PGM5: variants seen among roughly 807,000 people sequenced by gnomAD.
The protein encoded by PGM5 is phosphoglucomutase 5, also known as phosphoglucomutase-like protein 5.
Under a neutral mutation model 59.2 loss-of-function variants are expected in PGM5, and 23 were observed. The ratio of observed to expected loss-of-function variants is 0.39; its 90% CI spans 0.28 to 0.55. The LOEUF (loss-of-function observed/expected upper bound fraction) is 0.55. Among genes scored for constraint, PGM5 ranks in the 20% least tolerant of loss-of-function variants. The probability of loss-of-function intolerance (pLI) is 0.66; values close to 1 mark genes in which losing one functional copy is unlikely to be tolerated. For synonymous variants in PGM5, 214 were observed against 286.0 expected, an observed-to-expected ratio of 0.75 and a Z score of 2.54; for missense variants, 574 against 748.3, an observed-to-expected ratio of 0.77 and a Z score of 2.72.
chr9:68,377,051 G>A (rs1422243598), intron 1 of PGM5, among the ~76,000 whole-genome samples: 8 of 151,310 alleles, frequency 5.3e-5, no homozygotes, highest in Non-Finnish European at 8.8e-5. Flanking sequence ...CTCAGCCCCC[G>A]GAGTAGCTGG....
At chr9:68,498,871 AG>A (rs1824524091) in intron 9 of PGM5, 1 of 241,030 alleles carries the variant, frequency 4.1e-6, no homozygotes, top group Admixed American at 5.1e-5. Flanking sequence ...CAGATTTACA[AG>A]GGACAAACTT....
chr9:68,424,454 G>C (rs1554682576), intron 6 of PGM5, among the ~76,000 whole-genome samples: 1 of 152,072 alleles, frequency 6.6e-6, no homozygotes, highest in African/African-American at 2.4e-5. Context: ...TCTTTTATAA[G>C]GGCTCTAATC....
At chr9:68,483,391 T>C (rs1383055543) in intron 8 of PGM5, among the ~76,000 whole-genome samples, 1 of 152,130 alleles carries the variant, frequency 6.6e-6, no homozygotes, top group East Asian at 1.9e-4. Flanking sequence ...AGCCTGGTAT[T>C]TGAAGAGCTG....
intron 6 of PGM5, among the ~76,000 whole-genome samples, chr9:68,457,566 C>A (rs932044199): frequency 6.6e-6 from 1 of 152,154 alleles, no homozygotes; most frequent in African/African-American, 2.4e-5. Context: ...CTAGATGTGT[C>A]CTTTCCCTCA....
intron 8 of PGM5, among the ~76,000 whole-genome samples, chr9:68,482,198 C>A (rs1186984981): frequency 1.3e-5 from 2 of 152,058 alleles, no homozygotes; most frequent in African/African-American, 4.8e-5. Context: ...TGAACGTGAT[C>A]TATCATATTA....
At chr9:68,456,625 T>TC (rs1399444329) in intron 6 of PGM5, among the ~76,000 whole-genome samples, 1 of 149,498 alleles carries the variant, frequency 6.7e-6, no homozygotes, top group African/African-American at 2.5e-5. Context: ...GTCCTTTTTT[T>TC]TTTTTTTTTT....
rs1823454703 is a variant in PGM5, at chr9:68,437,262, C to T, written c.1044-27831C>T. On this transcript the variant is annotated intron_variant, in intron 6 of 10. Coordinates refer to ENST00000396396, the MANE Select transcript of PGM5 (RefSeq NM_021965.4). This position sits in a 1 kb window ranked among gnomAD's most constrained non-coding sequence, Gnocchi z 4.1. The stretch of plus-strand genomic sequence containing the variant: ...TTTTTCTCTCTTTTATTAATTTTCT[C>T]CTCTTGTTTTATTACATCTGGGTAC... Among the ~76,000 whole-genome samples, 1 of 152,074 alleles carries T rather than the reference C, an allele frequency of 6.6e-6. No individual in the cohort carries two copies. Among genetic ancestry groups the T allele is most frequent in the Non-Finnish European group, 1.5e-5 (1 of 67,998 alleles).
intron 6 of PGM5, among the ~76,000 whole-genome samples, chr9:68,439,005 C>T (rs1823484545): frequency 1.3e-5 from 2 of 152,108 alleles, no homozygotes; most frequent in Admixed American, 1.3e-4. Flanking sequence ...TCCCAACAGA[C>T]TAGGGAGAAA....
At chr9:68,390,207 T>C (rs1258725255) in intron 4 of PGM5, among the ~76,000 whole-genome samples, 1 of 152,114 alleles carries the variant, frequency 6.6e-6, no homozygotes, top group Non-Finnish European at 1.5e-5. Context: ...CTGTTCTTTC[T>C]TGTTGGGCTG....
intron 10 of PGM5, among the ~76,000 whole-genome samples, chr9:68,502,077 A>T (rs1375882674): frequency 6.6e-6 from 1 of 152,228 alleles, no homozygotes; most frequent in African/African-American, 2.4e-5. Context: ...TTTAAAAATT[A>T]TATCCATATG....
chr9:68,399,450 C>A (rs1554680347), intron 6 of PGM5, among the ~76,000 whole-genome samples: 1 of 152,208 alleles, frequency 6.6e-6, no homozygotes, highest in African/African-American at 2.4e-5. Context: ...ATCTTCAAAT[C>A]CAGGCCAACA....
intron 9 of PGM5, among the ~76,000 whole-genome samples, chr9:68,494,758 G>A (rs1231666372): frequency 3.9e-5 from 6 of 152,194 alleles, no homozygotes; most frequent in African/African-American, 1.4e-4. Context: ...GAGAAATGGT[G>A]GAGGAATAAA....
chr9:68,490,714 C>T (rs1178504779), intron 9 of PGM5, among the ~76,000 whole-genome samples: 1 of 152,210 alleles, frequency 6.6e-6, no homozygotes, highest in East Asian at 1.9e-4. Context: ...ATAATTGTAA[C>T]AATTTATCCT....
intron 10 of PGM5, among the ~76,000 whole-genome samples, chr9:68,512,181 T>C (rs1221015276): frequency 6.6e-6 from 1 of 152,222 alleles, no homozygotes; most frequent in East Asian, 1.9e-4. Flanking sequence ...AGAAAGGGCT[T>C]GAACACTGGA....
chr9:68,472,001 G>C (rs942097737), intron 7 of PGM5, among the ~76,000 whole-genome samples: 2 of 151,612 alleles, frequency 1.3e-5, no homozygotes, highest in Non-Finnish European at 2.9e-5. Context: ...TGGGATGTAT[G>C]AGTTAGGAGC....
intron 3 of PGM5, among the ~76,000 whole-genome samples, chr9:68,386,382 ATATAAT>A (rs1822218689): frequency 6.6e-6 from 1 of 152,304 alleles, no homozygotes; most frequent in African/African-American, 2.4e-5. Context: ...CATGTTACAA[ATATAAT>A]TATATTTGAA....
At chr9:68,525,336 G>A (rs1824954733) in intron 10 of PGM5, among the ~76,000 whole-genome samples, 1 of 152,098 alleles carries the variant, frequency 6.6e-6, no homozygotes, top group Non-Finnish European at 1.5e-5. Flanking sequence ...CCTTAGCCCT[G>A]AATAAGACAA....
At chr9:68,515,448 G>T (rs539111043) in intron 10 of PGM5, among the ~76,000 whole-genome samples, 1 of 152,146 alleles carries the variant, frequency 6.6e-6, no homozygotes, top group Non-Finnish European at 1.5e-5. Context: ...TGCTCAATGT[G>T]GAAGTCCTTG....
At chr9:68,414,138 C>T (rs1587800543) in intron 6 of PGM5, among the ~76,000 whole-genome samples, 2 of 152,334 alleles carry the variant, frequency 1.3e-5, no homozygotes, top group South Asian at 2.1e-4. Context: ...TGCCAGCTCT[C>T]CTTCACCTTC....
Sources: gnomAD v4.1 joint callset for allele counts (sites outside exome capture counted in the v4.1 genomes callset) on GRCh38, gnomAD v4.1.1 for gene constraint, Gnocchi (gnomAD v3.1) non-coding constraint, MANE v1.5 for transcripts, NCBI Gene and HGNC (gene_info 2026-07-23, HGNC 2026-07-21) for gene names.